The following SPATA16 variants were observed in gnomAD, a reference collection of about 807,000 sequenced individuals.
SPATA16 encodes the protein spermatogenesis-associated protein 16.
In SPATA16, 36 loss-of-function variants were observed where a neutral mutation model predicts 63.3. That is an observed-to-expected ratio of 0.57 (90% CI 0.44 to 0.75). The LOEUF (loss-of-function observed/expected upper bound fraction) is 0.75. Among genes scored for constraint, SPATA16 ranks in the 30% least tolerant of loss-of-function variants. The probability of loss-of-function intolerance (pLI) is 0.00; values close to 1 mark genes in which losing one functional copy is unlikely to be tolerated. For synonymous variants in SPATA16, 203 were observed against 216.7 expected, an observed-to-expected ratio of 0.94 and a Z score of 0.56; for missense variants, 646 against 679.3, an observed-to-expected ratio of 0.95 and a Z score of 0.54.
intron 2 of SPATA16, among the ~76,000 whole-genome samples, chr3:173,056,483 G>A (rs1415349469): frequency 1.3e-5 from 2 of 151,872 alleles, no homozygotes; most frequent in African/African-American, 4.8e-5. Context: ...CGGGTGGATC[G>A]CCTGAGGTCA....
chr3:173,072,034 A>G (rs965988621), intron 2 of SPATA16, among the ~76,000 whole-genome samples: 1 of 152,212 alleles, frequency 6.6e-6, no homozygotes, highest in Non-Finnish European at 1.5e-5. Flanking sequence ...AAACAGAACT[A>G]CCATTTGACC....
intron 4 of SPATA16, among the ~76,000 whole-genome samples, chr3:173,014,765 G>T (rs1031340207): frequency 3.9e-5 from 6 of 152,194 alleles, no homozygotes; most frequent in African/African-American, 1.4e-4. Context: ...GTAGGGTGAT[G>T]ATATGGCCGG....
At chr3:172,976,448 T>G (rs188376949) in intron 5 of SPATA16, among the ~76,000 whole-genome samples, 13 of 152,256 alleles carry the variant, frequency 8.5e-5, no homozygotes, top group African/African-American at 2.9e-4. Context: ...AATTTCTTCT[T>G]GGCAGCTGAT....
At chr3:173,007,132 A>T (rs932258403) in intron 4 of SPATA16, among the ~76,000 whole-genome samples, 13 of 152,172 alleles carry the variant, frequency 8.5e-5, no homozygotes, top group African/African-American at 3.1e-4. Context: ...AATTGTAATC[A>T]CTGATCAGTT....
At chr3:172,967,783 A>T (rs1269959149) in intron 5 of SPATA16, among the ~76,000 whole-genome samples, 1 of 152,162 alleles carries the variant, frequency 6.6e-6, no homozygotes, top group Non-Finnish European at 1.5e-5. Context: ...TCTTATGAGA[A>T]TCTAATGCCT....
chr3:173,065,608 G>C (rs1305409104), intron 2 of SPATA16, among the ~76,000 whole-genome samples: 1 of 152,140 alleles, frequency 6.6e-6, no homozygotes, highest in East Asian at 1.9e-4. Flanking sequence ...GTATTAAAGA[G>C]GGCAGAAAAG....
chr3:172,963,751 A>G (rs569956812), intron 5 of SPATA16, among the ~76,000 whole-genome samples: 1 of 152,258 alleles, frequency 6.6e-6, no homozygotes, highest in South Asian at 2.1e-4. Flanking sequence ...CATGGAAAGG[A>G]TCTAAAATAT....
chr3:173,138,980 C>T (rs1392892583), intron 1 of SPATA16, among the ~76,000 whole-genome samples: 2 of 152,136 alleles, frequency 1.3e-5, no homozygotes, highest in Non-Finnish European at 2.9e-5. Context: ...TGAATCTTCA[C>T]CTTCCAGTAA....
chr3:172,889,371 C>T lies in SPATA16; in HGVS notation c.*199G>A. On this transcript the variant is annotated 3_prime_UTR_variant, in exon 11 of 11. Coordinates refer to ENST00000351008, the MANE Select transcript of SPATA16 (RefSeq NM_031955.6). ...CTGAACAAAAGTCAAGTCAAACTTGCTGAGAATATTTATTGCTGCCAGTTG... is the reference window on the plus strand; with the variant it reads ...CTGAACAAAAGTCAAGTCAAACTTGTTGAGAATATTTATTGCTGCCAGTTG... 1.3e-6 allele frequency: 1 copy of T among 755,798 alleles called. No homozygotes were observed. Among genetic ancestry groups the T allele is most frequent in the East Asian group, 2.6e-5 (1 of 38,664 alleles). The allele number at this position is 755,798 out of a possible 1,614,324, so 46.8% of individuals were successfully genotyped here. A position where few individuals can be genotyped will look rare whatever the true frequency, so the allele number is the denominator to read the frequency against.
intron 10 of SPATA16, among the ~76,000 whole-genome samples, chr3:172,900,082 A>C (rs540732222): frequency 1.3e-5 from 2 of 152,140 alleles, no homozygotes; most frequent in African/African-American, 4.8e-5. Flanking sequence ...CTTTCTATTC[A>C]GAAAACTTTC....
chr3:173,121,336 A>G (rs1230681285), intron 1 of SPATA16, among the ~76,000 whole-genome samples: 4 of 152,088 alleles, frequency 2.6e-5, no homozygotes, highest in Non-Finnish European at 4.4e-5. Context: ...ACCTCGCTCA[A>G]TGTGTGTTTT....
At chr3:172,946,307 CT>C (rs1480089164) in intron 6 of SPATA16, among the ~76,000 whole-genome samples, 1 of 152,186 alleles carries the variant, frequency 6.6e-6, no homozygotes, top group Non-Finnish European at 1.5e-5. Flanking sequence ...GAAGAGATTC[CT>C]TCTCCTTTAG....
At chr3:172,895,719 A>C (rs980153038) in intron 10 of SPATA16, among the ~76,000 whole-genome samples, 1 of 152,152 alleles carries the variant, frequency 6.6e-6, no homozygotes, top group Admixed American at 6.5e-5. Context: ...ACTTCTATGG[A>C]GATTTATTCA....
At chr3:173,068,483 A>G (rs1400311446) in intron 2 of SPATA16, among the ~76,000 whole-genome samples, 1 of 152,200 alleles carries the variant, frequency 6.6e-6, no homozygotes, top group Non-Finnish European at 1.5e-5. Context: ...ACCACAAAAC[A>G]AAACCTATAA....
chr3:173,009,744 G>C (rs975048918), intron 4 of SPATA16, among the ~76,000 whole-genome samples: 6 of 152,234 alleles, frequency 3.9e-5, no homozygotes, highest in African/African-American at 1.4e-4. Context: ...CAGTTGTCCA[G>C]GTTCTTGGTG....
intron 4 of SPATA16, among the ~76,000 whole-genome samples, chr3:173,016,878 G>A (rs766033029): frequency 2.0e-5 from 3 of 152,092 alleles, no homozygotes; most frequent in Non-Finnish European, 2.9e-5. Flanking sequence ...GCTGGGTGTG[G>A]TGGTGTGTGC....
At chr3:173,086,250 A>G (rs1025427985) in intron 2 of SPATA16, among the ~76,000 whole-genome samples, 1 of 152,022 alleles carries the variant, frequency 6.6e-6, no homozygotes, top group African/African-American at 2.4e-5. Flanking sequence ...TGTTCGTGGT[A>G]CAACCTTGGG....
intron 2 of SPATA16, among the ~76,000 whole-genome samples, chr3:173,053,164 T>G (rs1736141243): frequency 6.6e-6 from 1 of 152,210 alleles, no homozygotes; most frequent in Non-Finnish European, 1.5e-5. Context: ...GAGGCCAGCC[T>G]GGCCAACATG....
intron 2 of SPATA16, among the ~76,000 whole-genome samples, chr3:173,060,390 T>A (rs189433605): frequency 1.1e-4 from 17 of 152,186 alleles, no homozygotes; most frequent in Middle Eastern, 3.4e-3. Context: ...GAAAAAGTAA[T>A]TTAAATTAGG....
Sources: gnomAD v4.1 joint callset for allele counts (sites outside exome capture counted in the v4.1 genomes callset) on GRCh38, gnomAD v4.1.1 for gene constraint, MANE v1.5 for transcripts, NCBI Gene and HGNC (gene_info 2026-07-23, HGNC 2026-07-21) for gene names.